ZFHX3: variants seen among roughly 807,000 people sequenced by gnomAD.
ZFHX3 encodes the protein zinc finger homeobox 3.
Under a neutral mutation model 279.1 loss-of-function variants are expected in ZFHX3, and 42 were observed. The ratio of observed to expected loss-of-function variants is 0.15; its 90% CI spans 0.12 to 0.19. The LOEUF is 0.19. ZFHX3 is among the 10% of genes least tolerant of loss of function. The pLI is 1.00. For synonymous variants in ZFHX3, 2,293 were observed against 1,957.8 expected (o/e 1.17, Z -4.52); for missense variants, 4,981 against 4,754.0 (o/e 1.05, Z -1.40).
chr16:73,399,409 G>A (rs2017199820), intron 3 of ZFHX3, among the ~76,000 whole-genome samples: 1 of 152,134 alleles, frequency 6.6e-6, no homozygotes, highest in South Asian at 2.1e-4. Context: ...CGGTTTCCTG[G>A]ATATTCGAGA....
intron 3 of ZFHX3, among the ~76,000 whole-genome samples, chr16:73,385,402 G>T (rs1430370895): frequency 6.6e-6 from 1 of 152,178 alleles, no homozygotes; most frequent in Admixed American, 6.5e-5. Flanking sequence ...TGAATAAACG[G>T]CTGCCTGTCT....
chr16:73,425,402 T>C (rs796590651), intron 3 of ZFHX3, among the ~76,000 whole-genome samples: 7 of 152,326 alleles, frequency 4.6e-5, no homozygotes, highest in African/African-American at 1.7e-4. Context: ...ATGCCAAGCA[T>C]AATACCCCAA....
intron 1 of ZFHX3, among the ~76,000 whole-genome samples, chr16:73,805,945 A>G (rs969321236): frequency 1.3e-5 from 2 of 152,178 alleles, no homozygotes; most frequent in Non-Finnish European, 2.9e-5. Flanking sequence ...GCTAATAAAG[A>G]CAACTGCGAC....
chr16:73,576,548 T>C (rs1450825718), intron 2 of ZFHX3, among the ~76,000 whole-genome samples: 4 of 152,180 alleles, frequency 2.6e-5, no homozygotes, highest in African/African-American at 9.6e-5. Context: ...TCCGTCATCA[T>C]AGACACGCAC....
chr16:73,478,387 G>C (rs142679957), intron 2 of ZFHX3, among the ~76,000 whole-genome samples: 1 of 151,902 alleles, frequency 6.6e-6, no homozygotes, highest in East Asian at 1.9e-4. Context: ...GAGCTATCCA[G>C]GCTTCTTCCC....
At chr16:73,066,604 G>C (rs975376) in intron 8 of ZFHX3, among the ~76,000 whole-genome samples, 23,526 of 152,144 alleles carry the variant, frequency 0.15, 2,619 homozygotes, top group East Asian at 0.5. Flanking sequence ...GGGGAAACAG[G>C]CCCGGGCGGA....
chr16:72,811,545 A>G (rs780352017), intron 7 of ZFHX3, 32 bp downstream of exon 7: 3 of 1,534,806 alleles, frequency 2.0e-6, no homozygotes, highest in East Asian at 2.3e-5. Flanking sequence ...CCCTGGAGAA[A>G]GACCACAGGG....
chr16:72,803,331 CCAAT>C (rs749053511), intron 7 of ZFHX3, among the ~76,000 whole-genome samples: 4 of 152,058 alleles, frequency 2.6e-5, no homozygotes, highest in South Asian at 2.1e-4. Context: ...GACTCTGTCT[CCAAT>C]CAATCAATCA....
In ZFHX3 at chr16:72,967,098, T is replaced by C. The variant is rs140751951; in HGVS notation, c.-49-6904A>G. On this transcript the variant is annotated intron_variant, in intron 1 of 9. Transcript: ENST00000268489. ...ATCTCTGAGTCCTCCACATCTGACA[T>C]GTAATAGGTGCTTAATAAAACAATG... is the stretch of plus-strand genomic sequence containing the variant. Among the ~76,000 whole-genome samples the C allele has an allele frequency of 5.9e-5, 9 of 152,286 alleles. No homozygotes were observed. In the East Asian group the frequency reaches 1.7e-3, roughly 29 times the overall value.
At chr16:73,526,117 G>T (rs1335326400) in intron 2 of ZFHX3, among the ~76,000 whole-genome samples, 1 of 152,246 alleles carries the variant, frequency 6.6e-6, no homozygotes, top group Non-Finnish European at 1.5e-5. Context: ...CCAGGAAAAT[G>T]ATTGCCGCAC....
chr16:73,850,299 A>G (rs1209389559), intron 1 of ZFHX3, among the ~76,000 whole-genome samples: 2 of 152,222 alleles, frequency 1.3e-5, no homozygotes, highest in Non-Finnish European at 1.5e-5. Flanking sequence ...TTTTTAAAGT[A>G]AAAGAGATAA....
intron 2 of ZFHX3, among the ~76,000 whole-genome samples, chr16:73,479,707 G>A (rs2018830971): frequency 6.6e-6 from 1 of 152,182 alleles, no homozygotes; most frequent in African/African-American, 2.4e-5. Flanking sequence ...TATGTAATGG[G>A]AAATGATTGA....
chr16:73,573,947 T>C (rs8060578), intron 2 of ZFHX3, among the ~76,000 whole-genome samples: 9,658 of 152,282 alleles, frequency 0.063, 1,044 homozygotes, highest in African/African-American at 0.22. Context: ...CTCTCCAGCC[T>C]GCTTACCTGT....
intron 1 of ZFHX3, among the ~76,000 whole-genome samples, chr16:73,858,537 T>C (rs1327479564): frequency 6.6e-6 from 1 of 152,250 alleles, no homozygotes; most frequent in East Asian, 1.9e-4. Context: ...CATAGCATTA[T>C]TATGCCTTCA....
chr16:73,497,376 AT>A (rs1334325084), intron 2 of ZFHX3, among the ~76,000 whole-genome samples: 2 of 152,226 alleles, frequency 1.3e-5, no homozygotes, highest in Non-Finnish European at 2.9e-5. Context: ...GTCTCATGAA[AT>A]ACTACTTGAG....
intron 1 of ZFHX3, among the ~76,000 whole-genome samples, chr16:73,747,190 A>T (rs1170412783): frequency 1.3e-5 from 2 of 152,124 alleles, no homozygotes; most frequent in African/African-American, 4.8e-5. Context: ...GGAGTTCAAG[A>T]CCAGCCTGGA....
rs183191022 is a variant in ZFHX3, at chr16:73,301,951, A to G, written c.-1194+16289T>C. On this transcript the variant is annotated intron_variant, in intron 4 of 17. Coordinates refer to the ZFHX3 transcript ENST00000641206. ...GGTGCTGCGGCAACCACAAGGCCCG[A>G]CAGAGTCCATGCAAGCCACAAACCC... Among the ~76,000 whole-genome samples, 3 of 152,230 alleles carry G rather than the reference A, an allele frequency of 2.0e-5. No individual in the cohort carries two copies. The East Asian group carries it at 5.8e-4, about 30-fold the overall frequency.
At chr16:73,406,840 C>A (rs1014565515) in intron 3 of ZFHX3, among the ~76,000 whole-genome samples, 12 of 152,142 alleles carry the variant, frequency 7.9e-5, no homozygotes, top group Admixed American at 2.0e-4. Context: ...AATGTATTTT[C>A]TTTTTGCAGC....
chr16:73,545,123 C>T (rs989744994), intron 2 of ZFHX3, among the ~76,000 whole-genome samples: 1 of 151,938 alleles, frequency 6.6e-6, no homozygotes, highest in Non-Finnish European at 1.5e-5. Flanking sequence ...TGAGGCCCCT[C>T]GGAAGCTAAA....
Sources: gnomAD v4.1 joint callset for allele counts (sites outside exome capture counted in the v4.1 genomes callset) on GRCh38, gnomAD v4.1.1 for gene constraint, MANE v1.5 for transcripts, NCBI Gene and HGNC (gene_info 2026-07-23, HGNC 2026-07-21) for gene names.